OR2L13: variants seen among roughly 807,000 people sequenced by gnomAD.
OR2L13 encodes the protein olfactory receptor family 2 subfamily L member 13.
In OR2L13, 14 loss-of-function variants were observed where a neutral mutation model predicts 15.3. That is an observed-to-expected ratio of 0.91 (90% CI 0.60 to 1.43). The LOEUF is 1.43. Ranked by LOEUF, OR2L13 falls within the 40% of genes most tolerant of loss-of-function variation. The pLI is 0.00. For synonymous variants in OR2L13, 152 were observed against 142.9 expected (o/e 1.06, Z -0.45); for missense variants, 367 against 387.9 (o/e 0.95, Z 0.45).
chr1:247,992,806 T>C, the OR2L13 span, among the ~76,000 whole-genome samples: 1 of 152,198 alleles, frequency 6.6e-6, no homozygotes, highest in African/African-American at 2.4e-5. Flanking sequence ...ATTGTAGGTC[T>C]TTGCTGTTGT....
the OR2L13 span, chr1:247,966,269 C>T: frequency 2.0e-5 from 32 of 1,613,154 alleles, no homozygotes; most frequent in South Asian, 5.5e-5. Context: ...AAGGAAGTGA[C>T]GGGGGCAGTG....
At chr1:247,960,109 T>C in the OR2L13 span, among the ~76,000 whole-genome samples, 3 of 152,308 alleles carry the variant, frequency 2.0e-5, no homozygotes, top group South Asian at 6.2e-4. Context: ...GACGTACAGA[T>C]GGGGTTTTGG....
At chr1:248,082,243 C>A in the OR2L13 span, among the ~76,000 whole-genome samples, 1 of 144,322 alleles carries the variant, frequency 6.9e-6, no homozygotes, top group Admixed American at 7.0e-5. Context: ...ATTGCAAGAA[C>A]AAAAAACCAA....
At chr1:247,981,170 A>G in the OR2L13 span, among the ~76,000 whole-genome samples, 1 of 152,178 alleles carries the variant, frequency 6.6e-6, no homozygotes, top group Non-Finnish European at 1.5e-5. Context: ...AATGATGTTC[A>G]TGGAAGAGAT....
At chr1:247,973,485 T>C in the OR2L13 span, among the ~76,000 whole-genome samples, 6 of 152,090 alleles carry the variant, frequency 3.9e-5, no homozygotes, top group East Asian at 1.2e-3. Flanking sequence ...ACATCAATAA[T>C]AGACAGACAG....
At chr1:248,048,982 A>G in the OR2L13 span, among the ~76,000 whole-genome samples, 1 of 150,332 alleles carries the variant, frequency 6.7e-6, no homozygotes, top group East Asian at 2.0e-4. Flanking sequence ...GATCATACCA[A>G]CTTTAAGGAG....
the OR2L13 span, among the ~76,000 whole-genome samples, chr1:247,997,473 G>A: frequency 6.6e-6 from 1 of 152,084 alleles, no homozygotes; most frequent in Non-Finnish European, 1.5e-5. Context: ...TCCCATGTAT[G>A]CGATATTTTA....
At chr1:248,007,138 G>A in the OR2L13 span, among the ~76,000 whole-genome samples, 13 of 152,160 alleles carry the variant, frequency 8.5e-5, no homozygotes, top group African/African-American at 3.1e-4. Context: ...GATGTACCAT[G>A]GCCTCGGGGA....
chr1:247,954,540 A>C, the OR2L13 span, among the ~76,000 whole-genome samples: 1 of 152,102 alleles, frequency 6.6e-6, no homozygotes, highest in Non-Finnish European at 1.5e-5. Flanking sequence ...AGGGTTTTCT[A>C]GTTAAATTTA....
the OR2L13 span, among the ~76,000 whole-genome samples, chr1:247,993,951 C>T: frequency 9.2e-5 from 14 of 152,184 alleles, no homozygotes; most frequent in Admixed American, 2.6e-4. Flanking sequence ...ATTTCATTAA[C>T]GAACACAATG....
chr1:247,990,674 GAA>G, the OR2L13 span: 4 of 1,529,810 alleles, frequency 2.6e-6, no homozygotes, highest in Admixed American at 6.7e-5. Flanking sequence ...ATCCGTATGA[GAA>G]AAAGAGTGTG....
the OR2L13 span, among the ~76,000 whole-genome samples, chr1:248,000,426 T>C: frequency 6.6e-6 from 1 of 152,166 alleles, no homozygotes; most frequent in Non-Finnish European, 1.5e-5. Flanking sequence ...GAAAAATCTT[T>C]GTCTTCTGTG....
At chr1:248,024,951 T>C in the OR2L13 span, among the ~76,000 whole-genome samples, 1 of 152,270 alleles carries the variant, frequency 6.6e-6, no homozygotes, top group African/African-American at 2.4e-5. Flanking sequence ...AAGAAAGTCA[T>C]TGGTAGCTTG....
At chr1:247,966,215 T>C in the OR2L13 span, 1 of 1,613,610 alleles carries the variant, frequency 6.2e-7, no homozygotes, top group African/African-American at 1.3e-5. Context: ...TTTTACACCA[T>C]TGTCACACCT....
chr1:248,014,463 T>C, the OR2L13 span, among the ~76,000 whole-genome samples: 1 of 152,158 alleles, frequency 6.6e-6, no homozygotes, highest in East Asian at 1.9e-4. Flanking sequence ...GCTTTTAAAT[T>C]TTGCAATATA....
chr1:248,034,826 C>T, the OR2L13 span, among the ~76,000 whole-genome samples: 1 of 152,124 alleles, frequency 6.6e-6, no homozygotes, highest in African/African-American at 2.4e-5. Flanking sequence ...GACAATTTTG[C>T]TTCTGACACT....
chr1:247,985,996 A>C, the OR2L13 span, among the ~76,000 whole-genome samples: 773 of 152,282 alleles, frequency 5.1e-3, 8 homozygotes, highest in African/African-American at 0.018. Context: ...TTCATTGTAG[A>C]TTCTGGATAT....
chr1:248,009,500 A>G, the OR2L13 span, among the ~76,000 whole-genome samples: 1 of 152,148 alleles, frequency 6.6e-6, no homozygotes, highest in Non-Finnish European at 1.5e-5. Flanking sequence ...GAACAAAACA[A>G]TAACAAGTTC....
At chr1:248,069,166 TAATTG>T in the OR2L13 span, among the ~76,000 whole-genome samples, 1 of 151,960 alleles carries the variant, frequency 6.6e-6, no homozygotes, top group African/African-American at 2.4e-5. Context: ...CCAAGACACA[TAATTG>T]TCAGATTCAC....
Sources: gnomAD v4.1 joint callset for allele counts (sites outside exome capture counted in the v4.1 genomes callset) on GRCh38, gnomAD v4.1.1 for gene constraint, MANE v1.5 for transcripts, NCBI Gene and HGNC (gene_info 2026-07-23, HGNC 2026-07-21) for gene names.